Variants in STK36 observed in about 807,000 individuals in gnomAD.
The protein encoded by STK36 is serine/threonine-protein kinase 36.
In STK36, 116 loss-of-function variants were observed where a neutral mutation model predicts 142.2. The observed-to-expected ratio is 0.82, with a 90% CI of 0.70 to 0.95. STK36 has a LOEUF of 0.95. Ranked by LOEUF, STK36 falls within the 40% of genes least tolerant of loss-of-function variation. The probability of loss-of-function intolerance (pLI) is 0.00; values close to 1 mark genes in which losing one functional copy is unlikely to be tolerated. For synonymous variants in STK36, 619 were observed against 641.7 expected, an observed-to-expected ratio of 0.96 and a Z score of 0.53; for missense variants, 1,422 against 1,617.2, an observed-to-expected ratio of 0.88 and a Z score of 2.07.
intron 7 of STK36, 49 bp from the exon 8 acceptor site, chr2:218,679,511 G>A (rs1575124488): frequency 6.3e-7 from 1 of 1,582,182 alleles, no homozygotes. Flanking sequence ...AGTGGACACA[G>A]GGACTATGGC....
Position 218,693,827 on chromosome 2 carries a change from C to T in STK36, c.2247+6C>T. ...TTATGTTGATTCAGGGCAAGGTAAG[C>T]CAGCTTCCCCTGGCAGCCCCACTGT... On this transcript the variant is annotated splice_donor_region_variant and intron_variant, in intron 18 of 26. Coordinates refer to ENST00000295709, the MANE Select transcript of STK36 (RefSeq NM_015690.5). The T allele has an allele frequency of 6.2e-7, 1 of 1,614,142 alleles. No homozygotes were observed. Among genetic ancestry groups the T allele is most frequent in the South Asian group, 1.1e-5 (1 of 91,086 alleles).
chr2:218,700,029 T>C (rs1941386620), intron 26 of STK36, among the ~76,000 whole-genome samples: 1 of 152,128 alleles, frequency 6.6e-6, no homozygotes, highest in African/African-American at 2.4e-5. Flanking sequence ...GTTCAAGCAG[T>C]TCTCCTGCCT....
intron 24 of STK36, 85 bp from the exon 25 acceptor site, chr2:218,697,769 T>C (rs1217665392): frequency 1.2e-6 from 2 of 1,602,224 alleles, no homozygotes; most frequent in East Asian, 2.2e-5. Context: ...AGAAGGGGAG[T>C]TGGGCAAAGG....
intron 10 of STK36, among the ~76,000 whole-genome samples, chr2:218,684,414 C>CGT (rs781537775): frequency 4.1e-5 from 2 of 49,326 alleles, no homozygotes; most frequent in Non-Finnish European, 6.7e-5. Context: ...TGCGCCTGGC[C>CGT]TTTTTTTTTT....
intron 11 of STK36, chr2:218,688,359 C>G: frequency 2.0e-6 from 1 of 493,600 alleles, no homozygotes; most frequent in Non-Finnish European, 4.0e-6. Context: ...TTTTCAGAAG[C>G]ATGTGCGGTG....
chr2:218,688,067 A>G (rs1940844555), intron 11 of STK36, among the ~76,000 whole-genome samples: 1 of 152,214 alleles, frequency 6.6e-6, no homozygotes, highest in Non-Finnish European at 1.5e-5. Flanking sequence ...CTGAGGCAGG[A>G]GAATCACTTG....
chr2:218,697,930 A>C lies in STK36; in HGVS notation c.2986A>C (p.Met996Leu), dbSNP rs745976524. 1 of 1,614,150 alleles carries C rather than the reference A, an allele frequency of 6.2e-7. No individual in the cohort carries two copies. The highest frequency in any genetic ancestry group is 1.7e-5 in the Admixed American group (1 of 60,010). The change falls in exon 25 of 27, where the codon ATG becomes CTG. Residue 996 changes from methionine to leucine, a missense_variant. Physicochemically the swap from Met to Leu is conservative, Grantham distance 15. Coordinates refer to ENST00000295709, the MANE Select transcript of STK36 (RefSeq NM_015690.5). Reference protein sequence around the residue: ...QLLCFPFALDMDADLLIGVLA... With the variant: ...QLLCFPFALDLDADLLIGVLA... ...CCTTTGCTTCCCCTTTGCGCTGGACATGGATGCTGACCTCCTTATAGGTGT... is the reference window on the plus strand; with the variant it reads ...CCTTTGCTTCCCCTTTGCGCTGGACCTGGATGCTGACCTCCTTATAGGTGT...
intron 18 of STK36, 34 bp downstream of exon 18, chr2:218,693,855 C>G (rs746729249): frequency 8.7e-6 from 14 of 1,614,060 alleles, no homozygotes; most frequent in East Asian, 6.7e-5. Context: ...CCCACTGTCT[C>G]AGCCAGAGGT....
chr2:218,690,170 C>T (rs944389375), intron 13 of STK36, among the ~76,000 whole-genome samples: 3 of 152,118 alleles, frequency 2.0e-5, no homozygotes, highest in Non-Finnish European at 2.9e-5. Context: ...CAGCAGTCAC[C>T]ATGGTCCTAA....
At chr2:218,680,127 A>G in intron 9 of STK36, 47 bp downstream of exon 9, 1 of 1,578,298 alleles carries the variant, frequency 6.3e-7, no homozygotes, top group African/African-American at 1.3e-5. Flanking sequence ...TATCTTGCAC[A>G]TCTTTAACTC....
rs1940005795 is a variant in STK36, at chr2:218,672,114, C to G, written c.-191C>G. On this transcript the variant is annotated 5_prime_UTR_variant, in exon 1 of 27. Coordinates refer to ENST00000295709, the MANE Select transcript of STK36 (RefSeq NM_015690.5). ...CGGGCCTGATGGCCCTGAGGCAGTT[C>G]GGATGTGTCCCAGGAAGTGCCCATG... 1.4e-5 allele frequency: 13 copies of G among 959,000 alleles called. No homozygotes were observed. Among genetic ancestry groups the G allele is most frequent in the Non-Finnish European group, 1.9e-5 (12 of 622,832 alleles). The allele number at this position is 959,000 out of a possible 1,614,324, so 59.4% of individuals were successfully genotyped here.
At chr2:218,676,852 G>A (rs1277280918) in intron 6 of STK36, among the ~76,000 whole-genome samples, 3 of 151,706 alleles carry the variant, frequency 2.0e-5, no homozygotes, top group Non-Finnish European at 2.9e-5. Context: ...GGGTTTCACC[G>A]TGTTAGCCAG....
Position 218,697,556 on chromosome 2 carries a change from T to G in STK36, c.2855T>G (p.Met952Arg), listed in dbSNP as rs1941283329. The change falls in exon 24 of 27, where the codon ATG (methionine) becomes AGG (arginine). Residue 952 changes from methionine (M) to arginine (R), a missense_variant. By Grantham distance (91) the Met-to-Arg change is moderately conservative. Transcript: ENST00000295709. The stretch of plus-strand genomic sequence containing the variant: ...CTGTCCCAGCATGGAAGTATCCTCA[T>G]GTCCATCCTGAAGCATCTGCTTTGC... ...SCLSQHGSIL[M>R]SILKHLLCPS... The G allele has an allele frequency of 1.2e-6, 2 of 1,614,232 alleles. No individual in the cohort carries two copies. The highest frequency in any genetic ancestry group is 4.5e-5 in the East Asian group (2 of 44,888).
At position 218,699,020 on chromosome 2, in the gene STK36, T is replaced by C; in HGVS notation, c.3476T>C (p.Leu1159Pro). The C allele has an allele frequency of 6.2e-7, 1 of 1,614,144 alleles. No individual in the cohort carries two copies. Among genetic ancestry groups the C allele is most frequent in the Non-Finnish European group, 8.5e-7 (1 of 1,180,014 alleles). The change falls in exon 26 of 27, where the codon CTT (leucine) becomes CCT (proline). Residue 1159 changes from leucine to proline, a missense_variant. Coordinates refer to ENST00000295709, the MANE Select transcript of STK36 (RefSeq NM_015690.5). ...SQSGLLSLLL[L>P]GLGDKDPVVR... ...TCTGGACTGCTCAGCCTTCTGCTGC[T>C]TGGGCTTGGAGACAAGGATCCTGTT...
At chr2:218,692,397 G>C in intron 15 of STK36, 104 bp downstream of exon 15, 1 of 1,528,164 alleles carries the variant, frequency 6.5e-7, no homozygotes, top group Non-Finnish European at 8.8e-7. Context: ...CATTTAGTAG[G>C]TGCTCAATAA....
intron 13 of STK36, 113 bp downstream of exon 13, chr2:218,690,069 GT>G: frequency 1.9e-6 from 2 of 1,062,376 alleles, no homozygotes; most frequent in East Asian, 2.6e-5. Context: ...TTTGTTACAG[GT>G]TTAGGAATCA....
chr2:218,680,759 T>C, intron 10 of STK36, 57 bp downstream of exon 10: 2 of 1,478,626 alleles, frequency 1.4e-6, no homozygotes, highest in South Asian at 2.4e-5. Flanking sequence ...TAAGTCTAGG[T>C]AGATGTTTTT....
chr2:218,672,452 G>A (rs6720523), intron 1 of STK36: 29,837 of 291,488 alleles, frequency 0.1, 4,200 homozygotes, highest in African/African-American at 0.41. Flanking sequence ...CAGGAACTTG[G>A]GGGAGACTCA....
chr2:218,702,682 T>G lies in STK36; in HGVS notation c.*673T>G, dbSNP rs1941485135. 1 of 152,168 alleles carries G rather than the reference T, an allele frequency of 6.6e-6. No individual in the cohort carries two copies. The highest frequency in any genetic ancestry group is 1.5e-5 in the Non-Finnish European group (1 of 68,038). The allele number at this position is 152,168 out of a possible 1,614,324, so 9.4% of individuals were successfully genotyped here. A position where few individuals can be genotyped will look rare whatever the true frequency, so the allele number is the denominator to read the frequency against. On this transcript the variant is annotated 3_prime_UTR_variant, in exon 27 of 27. Transcript: ENST00000295709. ...CTCAACCCCTCTTTCAGCTTCTATG[T>G]GGTGTTGGAGGTGCTGGTATCGTGT...
Sources: allele counts gnomAD v4.1 joint callset (sites outside exome capture counted in the v4.1 genomes callset), GRCh38; gene constraint gnomAD v4.1.1; transcripts MANE v1.5; gene names NCBI Gene and HGNC (gene_info 2026-07-23, HGNC 2026-07-21).